The following DHX36 variants were observed in gnomAD, a reference collection of about 807,000 sequenced individuals.
DHX36 encodes the protein ATP-dependent DNA/RNA helicase DHX36.
DHX36 carries 50 observed loss-of-function variants against 139.0 expected under a neutral mutation model. The ratio of observed to expected loss-of-function variants is 0.36; its 90% confidence interval spans 0.29 to 0.46. DHX36 has a LOEUF of 0.46. Among genes scored for constraint, DHX36 ranks in the 20% least tolerant of loss-of-function variants. The probability of loss-of-function intolerance (pLI) is 1.00; values close to 1 mark genes in which losing one functional copy is unlikely to be tolerated. For synonymous variants in DHX36, 425 were observed against 401.9 expected, an observed-to-expected ratio of 1.06 and a Z score of -0.69; for missense variants, 1,024 against 1,211.3, an observed-to-expected ratio of 0.85 and a Z score of 2.29.
At chr3:154,301,197 T>C (rs1164224386) in intron 9 of DHX36, 70 bp from the exon 10 acceptor site, 1 of 1,436,452 alleles carries the variant, frequency 7.0e-7, no homozygotes, top group African/African-American at 1.4e-5. Context: ...TCTGTGACAT[T>C]TTATATTTAG....
rs1712442093 is a variant in DHX36, at chr3:154,304,922, T to G, written c.1019A>C (p.Asn340Thr). The G allele has an allele frequency of 6.2e-7, 1 of 1,611,756 alleles. No homozygotes were observed. The highest frequency in any genetic ancestry group is 1.7e-5 in the Admixed American group (1 of 59,472). ...HIVLDEIHERNLQSDVLMTVV... is the reference protein window; with the variant it reads ...HIVLDEIHERTLQSDVLMTVV... Reference sequence around the variant, plus strand: ...AGTCATTAAAACATCTGACTGCAGATTTCTTTCATGGATTTCATCAAGTAC... The same window carrying G: ...AGTCATTAAAACATCTGACTGCAGAGTTCTTTCATGGATTTCATCAAGTAC... Residue 340 changes from asparagine to threonine, a missense_variant, in exon 8 of 25, where the codon AAT becomes ACT. By Grantham distance (65) the Asn-to-Thr change is moderately conservative. Around this residue, in one of 4 missense-constraint regions of DHX36, gnomAD observed 146 missense variants for 215.0 expected, o/e 0.68. Coordinates refer to ENST00000496811, the MANE Select transcript of DHX36 (RefSeq NM_020865.3).
chr3:154,305,002 T>C (rs760673276), intron 7 of DHX36, 30 bp from the exon 8 acceptor site: 1 of 1,596,460 alleles, frequency 6.3e-7, no homozygotes, highest in Non-Finnish European at 8.5e-7. Flanking sequence ...TACAAAATTT[T>C]AAAACCATTT....
At chr3:154,285,309 G>GT (rs1337058447) in intron 17 of DHX36, among the ~76,000 whole-genome samples, 2 of 152,004 alleles carry the variant, frequency 1.3e-5, no homozygotes, top group Non-Finnish European at 2.9e-5. Flanking sequence ...AAAAACAAAA[G>GT]ATACACTATT....
chr3:154,309,667 T>C lies in DHX36; in HGVS notation c.799A>G (p.Ile267Val). 6.3e-7 allele frequency: 1 copy of C among 1,599,634 alleles called. No homozygotes were observed. Among genetic ancestry groups the C allele is most frequent in the Non-Finnish European group, 8.5e-7 (1 of 1,176,120 alleles). The change falls in exon 5 of 25, where the codon ATT becomes GTT. Residue 267 changes from isoleucine to valine, a missense_variant. This residue lies in a region of DHX36 where 146 missense variants were observed against 215.0 expected (regional missense o/e 0.68). Coordinates refer to ENST00000496811, the MANE Select transcript of DHX36 (RefSeq NM_020865.3). ...AGATTACTTACTGAAATGGCACTAA[T>C]TCTTCTTGGCTGAGTACAAACTATT... ...CRIVCTQPRR[I>V]SAISVAERVA...
chr3:154,289,879 T>C, intron 15 of DHX36, 53 bp from the exon 16 acceptor site: 1 of 1,139,274 alleles, frequency 8.8e-7, no homozygotes, highest in Non-Finnish European at 1.3e-6. Flanking sequence ...CATCAATGAC[T>C]TTTTAGAACT....
chr3:154,315,034 T>C lies in DHX36; in HGVS notation c.603+12A>G, dbSNP rs751647029. The stretch of plus-strand genomic sequence containing the variant: ...AAAAATGACAAAATATTTTTTGACA[T>C]CTTTCTACTACCTGCATTTCAATAT... On this transcript the variant is annotated intron_variant, in intron 3 of 24. Coordinates refer to ENST00000496811, the MANE Select transcript of DHX36 (RefSeq NM_020865.3). The C allele has an allele frequency of 1.0e-5, 16 of 1,548,402 alleles. No homozygotes were observed. Among genetic ancestry groups the C allele is most frequent in the South Asian group, 3.5e-5 (3 of 85,168 alleles).
In DHX36 at chr3:154,276,112, T is replaced by G; in HGVS notation, c.*59A>C. Reference sequence around the variant, plus strand: ...CCAGGGTTTGGCATCCAGCCAAAATTTAAACAATGATGAAGAATGGCTGTC... The same window carrying G: ...CCAGGGTTTGGCATCCAGCCAAAATGTAAACAATGATGAAGAATGGCTGTC... On this transcript the variant is annotated 3_prime_UTR_variant, in exon 25 of 25. Transcript: ENST00000496811. The G allele has an allele frequency of 6.4e-7, 1 of 1,551,814 alleles. No individual in the cohort carries two copies.
In DHX36 at chr3:154,284,567, A is replaced by C; in HGVS notation, c.2292+16T>G. ...AATAAACTATCATAATCCAGGACAA[A>C]ATTTTTTTTTTTTACCTCAAACGCA... On this transcript the variant is annotated intron_variant, in intron 19 of 24. Coordinates refer to ENST00000496811, the MANE Select transcript of DHX36 (RefSeq NM_020865.3). 1 of 1,537,972 alleles carries C rather than the reference A, an allele frequency of 6.5e-7. No individual in the cohort carries two copies.
intron 1 of DHX36, chr3:154,319,244 T>C (rs917189490): frequency 6.6e-6 from 1 of 152,172 alleles, no homozygotes; most frequent in African/African-American, 2.4e-5. Flanking sequence ...ATTTTGATTA[T>C]TTCCCACTTT....
intron 2 of DHX36, among the ~76,000 whole-genome samples, chr3:154,315,517 TAAA>T (rs1712947287): frequency 6.6e-6 from 1 of 152,118 alleles, no homozygotes; most frequent in Admixed American, 6.5e-5. Flanking sequence ...TAGTTAAAAA[TAAA>T]AATCCACAGA....
At chr3:154,311,517 C>T (rs1712761947) in intron 4 of DHX36, 119 bp downstream of exon 4, 5 of 776,302 alleles carry the variant, frequency 6.4e-6, no homozygotes, top group Non-Finnish European at 9.9e-6. Context: ...AAATTAACTT[C>T]CAATACTATC....
At chr3:154,322,562 T>C (rs937868309) in intron 1 of DHX36, among the ~76,000 whole-genome samples, 2 of 152,222 alleles carry the variant, frequency 1.3e-5, no homozygotes, top group Non-Finnish European at 2.9e-5. Context: ...TAAATCTCAT[T>C]TGGCCTTGCC....
At chr3:154,323,896 A>G (rs1484293455) in intron 1 of DHX36, among the ~76,000 whole-genome samples, 1 of 152,226 alleles carries the variant, frequency 6.6e-6, no homozygotes. Flanking sequence ...TTCGGTTGGA[A>G]CGTGAACTTA....
intron 3 of DHX36, among the ~76,000 whole-genome samples, chr3:154,313,396 A>G (rs1312788536): frequency 2.6e-5 from 4 of 152,220 alleles, no homozygotes; most frequent in Non-Finnish European, 5.9e-5. Context: ...AGTAATAAGC[A>G]TAACTGGCTG....
intron 10 of DHX36, 34 bp from the exon 11 acceptor site, chr3:154,300,730 T>TA (rs747915543): frequency 2.0e-6 from 3 of 1,538,384 alleles, no homozygotes; most frequent in South Asian, 1.2e-5. Context: ...ATGAAATACT[T>TA]AATCAAGTTT....
chr3:154,307,279 T>A (rs1221918777), intron 5 of DHX36, among the ~76,000 whole-genome samples: 1 of 152,058 alleles, frequency 6.6e-6, no homozygotes, highest in Non-Finnish European at 1.5e-5. Flanking sequence ...AAATGGGAAT[T>A]AACTAAGAAG....
intron 11 of DHX36, 73 bp downstream of exon 11, chr3:154,300,521 T>C (rs1336289659): frequency 1.7e-6 from 2 of 1,190,908 alleles, no homozygotes; most frequent in Non-Finnish European, 1.2e-6. Context: ...TTAAGAAAAC[T>C]GTATTTTTCA....
At chr3:154,286,100 A>G (rs1711540553) in intron 17 of DHX36, among the ~76,000 whole-genome samples, 1 of 149,890 alleles carries the variant, frequency 6.7e-6, no homozygotes, top group Admixed American at 6.7e-5. Flanking sequence ...ATATTTGATA[A>G]AACTGATTAT....
At chr3:154,311,991 A>G in intron 3 of DHX36, 1 of 208,050 alleles carries the variant, frequency 4.8e-6, no homozygotes, top group Non-Finnish European at 9.4e-6. Context: ...AATATGTTTT[A>G]TATATTCATC....
Sources: gnomAD v4.1 joint callset for allele counts (sites outside exome capture counted in the v4.1 genomes callset) on GRCh38, gnomAD v4.1.1 for gene constraint, gnomAD v4.1.1 regional missense constraint, MANE v1.5 for transcripts, NCBI Gene and HGNC (gene_info 2026-07-23, HGNC 2026-07-21) for gene names.